Variants in WWOX observed in about 807,000 individuals in gnomAD.
The protein encoded by WWOX is WW domain-containing oxidoreductase.
A neutral mutation model predicts 46.2 loss-of-function variants in WWOX; 69 were observed. The ratio of observed to expected loss-of-function variants is 1.49; its 90% CI spans 1.23 to 1.82. The LOEUF is 1.82. Among genes scored for constraint, WWOX ranks in the 40% most tolerant of loss-of-function variants. The pLI, the probability that WWOX is intolerant of heterozygous loss-of-function variation, is 0.00. For synonymous variants in WWOX, 359 were observed against 202.6 expected (o/e 1.77, Z -6.56); for missense variants, 919 against 542.6 (o/e 1.69, Z -6.89).
intron 8 of WWOX, among the ~76,000 whole-genome samples, chr16:78,961,965 A>C (rs1380723748): frequency 6.6e-6 from 1 of 152,160 alleles, no homozygotes; most frequent in Non-Finnish European, 1.5e-5. Context: ...CCAGCAGCCA[A>C]GTCTTTGTTG....
intron 8 of WWOX, among the ~76,000 whole-genome samples, chr16:78,841,953 C>G (rs2052162710): frequency 6.6e-6 from 1 of 152,026 alleles, no homozygotes. Flanking sequence ...ACAGAGCTGG[C>G]AGACGTGTGG....
intron 8 of WWOX, among the ~76,000 whole-genome samples, chr16:79,162,679 GC>G (rs2050510587): frequency 1.3e-5 from 2 of 152,300 alleles, no homozygotes; most frequent in Non-Finnish European, 1.5e-5. Context: ...AACAGATCAT[GC>G]CAAGGTCCTG....
At chr16:78,748,100 C>T (rs1045042568) in intron 8 of WWOX, among the ~76,000 whole-genome samples, 1 of 152,136 alleles carries the variant, frequency 6.6e-6, no homozygotes. Context: ...TGCTCTTTCT[C>T]TCCCAGACCG....
intron 8 of WWOX, among the ~76,000 whole-genome samples, chr16:78,568,747 T>A (rs1441929319): frequency 6.6e-6 from 1 of 152,168 alleles, no homozygotes; most frequent in East Asian, 1.9e-4. Context: ...AGTGCTGGGA[T>A]TGCAGGCATG....
At chr16:78,758,798 C>T (rs1253558753) in intron 8 of WWOX, among the ~76,000 whole-genome samples, 3 of 151,956 alleles carry the variant, frequency 2.0e-5, no homozygotes, top group Non-Finnish European at 4.4e-5. Context: ...AAGACATTAG[C>T]ATTTGCTATA....
chr16:78,874,416 C>A (rs1052219492), intron 8 of WWOX, among the ~76,000 whole-genome samples: 7 of 152,104 alleles, frequency 4.6e-5, no homozygotes, highest in Non-Finnish European at 1.0e-4. Flanking sequence ...TCAAGTCCCG[C>A]TCCCTTGGAA....
intron 5 of WWOX, among the ~76,000 whole-genome samples, chr16:78,285,244 G>T (rs189296758): frequency 6.6e-6 from 1 of 151,970 alleles, no homozygotes. Context: ...ACTACCCTGG[G>T]CAACACAGTG....
At chr16:78,875,705 C>G (rs1440771650) in intron 8 of WWOX, among the ~76,000 whole-genome samples, 1 of 152,182 alleles carries the variant, frequency 6.6e-6, no homozygotes, top group Non-Finnish European at 1.5e-5. Flanking sequence ...TTCTAAGCCA[C>G]AGTGGCAATT....
intron 5 of WWOX, among the ~76,000 whole-genome samples, chr16:78,349,305 C>T (rs1436341750): frequency 8.3e-6 from 1 of 120,468 alleles, no homozygotes; most frequent in Non-Finnish European, 2.0e-5. Flanking sequence ...TCTTTATAGG[C>T]CGTACCTCCA....
At chr16:78,546,533 G>C (rs773050599) in intron 8 of WWOX, among the ~76,000 whole-genome samples, 1 of 152,140 alleles carries the variant, frequency 6.6e-6, no homozygotes, top group African/African-American at 2.4e-5. Context: ...GATTATTTAC[G>C]ATTCCATTGT....
intron 5 of WWOX, among the ~76,000 whole-genome samples, chr16:78,186,566 C>G (rs2035711056): frequency 1.3e-5 from 2 of 152,284 alleles, no homozygotes; most frequent in Admixed American, 1.3e-4. Context: ...GAGTTTGAGA[C>G]CAGCCTGGCC....
In WWOX at chr16:78,407,332, C is replaced by G. The variant is rs138007615; in HGVS notation, c.606-17538C>G. Reference sequence around the variant, plus strand: ...GAAATGCCCCAGATGGTGTGACATTCTGCTTCCAGGAGGGATTGGAAAGTA... The same window carrying G: ...GAAATGCCCCAGATGGTGTGACATTGTGCTTCCAGGAGGGATTGGAAAGTA... On this transcript the variant is annotated intron_variant, in intron 6 of 8. Transcript: ENST00000566780. 5.1e-3 allele frequency among the ~76,000 whole-genome samples: 783 copies of G among 152,274 alleles called. 5 individuals carry two copies. Among genetic ancestry groups the G allele is most frequent in the Middle Eastern group, 0.017 (5 of 294 alleles).
At chr16:78,662,226 C>A (rs373420293) in intron 8 of WWOX, among the ~76,000 whole-genome samples, 1 of 151,986 alleles carries the variant, frequency 6.6e-6, no homozygotes, top group Non-Finnish European at 1.5e-5. Flanking sequence ...ATAACCGAGG[C>A]CAGATCTTAG....
At chr16:78,143,127 A>G (rs766217521) in intron 4 of WWOX, among the ~76,000 whole-genome samples, 1 of 152,234 alleles carries the variant, frequency 6.6e-6, no homozygotes, top group Non-Finnish European at 1.5e-5. Flanking sequence ...TCTGGGTGAA[A>G]CAAACTGTGT....
intron 8 of WWOX, among the ~76,000 whole-genome samples, chr16:78,930,268 T>TTCCTTCC (rs1160289801): frequency 1.7e-5 from 2 of 118,248 alleles, no homozygotes; most frequent in African/African-American, 3.3e-5. Context: ...CCTTCCTTCC[T>TTCCTTCC]TTCTCTCTTT....
In WWOX at chr16:78,549,005, C is replaced by G. The variant is rs2044114562; in HGVS notation, c.1056+116253C>G. On this transcript the variant is annotated intron_variant, in intron 8 of 8. Coordinates refer to ENST00000566780, the MANE Select transcript of WWOX (RefSeq NM_016373.4). ...ATGGGTTGGTGTAATATAATTCATG[C>G]TTTTAAACATCATACTTTTATCGGT... Among the ~76,000 whole-genome samples, 5 of 152,142 alleles carry G rather than the reference C, an allele frequency of 3.3e-5. No homozygotes were observed. In the South Asian group the frequency reaches 1.0e-3, roughly 32 times the overall value.
At chr16:79,125,724 G>C (rs2049738621) in intron 8 of WWOX, among the ~76,000 whole-genome samples, 1 of 152,214 alleles carries the variant, frequency 6.6e-6, no homozygotes, top group Non-Finnish European at 1.5e-5. Flanking sequence ...CTGATCTGGA[G>C]GAACATAGCT....
At chr16:78,676,260 A>G (rs979163074) in intron 8 of WWOX, among the ~76,000 whole-genome samples, 2 of 151,966 alleles carry the variant, frequency 1.3e-5, no homozygotes, top group Non-Finnish European at 2.9e-5. Flanking sequence ...CCGAAACAAA[A>G]CACAGAAAAT....
At chr16:79,175,454 G>C (rs146715268) in intron 8 of WWOX, among the ~76,000 whole-genome samples, 1 of 152,304 alleles carries the variant, frequency 6.6e-6, no homozygotes, top group East Asian at 1.9e-4. Flanking sequence ...TGGTCAGTCT[G>C]ACTCTCTTTA....
Sources: gnomAD v4.1 joint callset for allele counts (sites outside exome capture counted in the v4.1 genomes callset) on GRCh38, gnomAD v4.1.1 for gene constraint, MANE v1.5 for transcripts, NCBI Gene and HGNC (gene_info 2026-07-23, HGNC 2026-07-21) for gene names.